Variants in RBM33 observed in about 807,000 individuals in gnomAD.
RBM33 encodes RNA binding motif protein 33.
A neutral mutation model predicts 132.6 loss-of-function variants in RBM33; 28 were observed. The observed-to-expected ratio is 0.21, with a 90% CI of 0.16 to 0.29. The LOEUF (loss-of-function observed/expected upper bound fraction) is 0.29, where lower values mean the gene tolerates loss of function less well. RBM33 is among the 10% of genes least tolerant of loss of function. The probability of loss-of-function intolerance (pLI) is 1.00; values close to 1 mark genes in which losing one functional copy is unlikely to be tolerated. For synonymous variants in RBM33, 634 were observed against 593.0 expected, an observed-to-expected ratio of 1.07 and a Z score of -1.01; for missense variants, 1,291 against 1,518.5, an observed-to-expected ratio of 0.85 and a Z score of 2.49.
intron 3 of RBM33, among the ~76,000 whole-genome samples, chr7:155,673,949 T>TTG (rs1799097297): frequency 9.4e-6 from 1 of 106,522 alleles, no homozygotes; most frequent in East Asian, 2.8e-4. Context: ...AGTTTTTTTT[T>TTG]TTTTTTTTTT....
chr7:155,717,021 G>C (rs1035000689), intron 8 of RBM33, among the ~76,000 whole-genome samples: 10 of 152,138 alleles, frequency 6.6e-5, no homozygotes, highest in African/African-American at 9.7e-5. Flanking sequence ...AATTCCTTGA[G>C]TAATCATAGT....
intron 2 of RBM33, among the ~76,000 whole-genome samples, chr7:155,669,550 G>A (rs1156239347): frequency 2.0e-5 from 3 of 152,028 alleles, no homozygotes; most frequent in African/African-American, 4.8e-5. Context: ...AAGGGGTTTC[G>A]CCGTGTTGGC....
chr7:155,753,208 G>T (rs1217580967), intron 14 of RBM33, among the ~76,000 whole-genome samples: 1 of 152,176 alleles, frequency 6.6e-6, no homozygotes. Context: ...AAGACAAAAA[G>T]CATGAATCAT....
chr7:155,673,345 T>C (rs1385973340), intron 3 of RBM33, among the ~76,000 whole-genome samples: 1 of 151,856 alleles, frequency 6.6e-6, no homozygotes, highest in Non-Finnish European at 1.5e-5. Flanking sequence ...AAACCTAATG[T>C]AGGTTTTTCT....
Position 155,655,505 on chromosome 7 carries a change from A to G in RBM33, c.44-9670A>G, listed in dbSNP as rs980875214. On this transcript the variant is annotated intron_variant, in intron 1 of 17. Transcript: ENST00000401878. ...GTCAGAGTGTCTGTGAAGTCAGACT[A>G]TTTTCATAACGGTATTAAGGCTGTT... Among the ~76,000 whole-genome samples the G allele has an allele frequency of 3.5e-4, 26 of 73,942 alleles. 1 individual carries two copies. The Admixed American group carries it at 3.5e-3, about 10-fold the overall frequency. The allele number at this position is 73,942 out of a possible 152,430, so 48.5% of individuals were successfully genotyped here.
rs968802872 is a variant in RBM33, at chr7:155,778,334, C to T, written c.*3293C>T. On this transcript the variant is annotated 3_prime_UTR_variant, in exon 18 of 18. Transcript: ENST00000401878. The surrounding 1 kb of genome is among the most constrained non-coding windows in gnomAD (Gnocchi z 4.0). ...ATCCTGCACCCAGGGGTCTTTTTTTCAAACAGCATCTTGCTCAGTTCTGTG... is the reference window on the plus strand; with the variant it reads ...ATCCTGCACCCAGGGGTCTTTTTTTTAAACAGCATCTTGCTCAGTTCTGTG... The T allele has an allele frequency of 1.3e-5, 2 of 152,100 alleles. No homozygotes were observed. The highest frequency in any genetic ancestry group is 4.8e-5 in the African/African-American group (2 of 41,416). 9.4% of individuals were successfully genotyped at this position (152,100 alleles called of 1,614,324 possible).
At chr7:155,752,739 A>T (rs1390402810) in intron 14 of RBM33, among the ~76,000 whole-genome samples, 2 of 151,798 alleles carry the variant, frequency 1.3e-5, no homozygotes, top group African/African-American at 4.8e-5. Flanking sequence ...TGCTACTGTC[A>T]CTCCTGCTCC....
chr7:155,670,416 A>G (rs765342387), intron 2 of RBM33, among the ~76,000 whole-genome samples: 1 of 152,222 alleles, frequency 6.6e-6, no homozygotes, highest in Non-Finnish European at 1.5e-5. Context: ...GAGTGGATGT[A>G]GTTTTACATA....
chr7:155,700,546 C>CTTTTTTTTTT, intron 5 of RBM33, among the ~76,000 whole-genome samples: 1 of 85,582 alleles, frequency 1.2e-5, no homozygotes, highest in East Asian at 4.0e-4. Context: ...AGAATTTGAC[C>CTTTTTTTTTT]TTTTTTTTTT....
chr7:155,675,023 T>C (rs1364719014), intron 3 of RBM33, among the ~76,000 whole-genome samples: 4 of 152,188 alleles, frequency 2.6e-5, no homozygotes, highest in Non-Finnish European at 4.4e-5. Context: ...GACCAAAATA[T>C]AGGCTGGGCA....
intron 1 of RBM33, among the ~76,000 whole-genome samples, chr7:155,661,142 A>ATTT (rs1217940558): frequency 1.7e-5 from 1 of 60,456 alleles, no homozygotes. Flanking sequence ...ATATATATAT[A>ATTT]TATATTTTTT....
chr7:155,650,156 G>A (rs6459848), intron 1 of RBM33, among the ~76,000 whole-genome samples: 96,726 of 152,100 alleles, frequency 0.64, 31,826 homozygotes, highest in South Asian at 0.76. Context: ...AAATGCTTTT[G>A]ACAAGCACTG....
intron 1 of RBM33, among the ~76,000 whole-genome samples, chr7:155,653,859 G>A (rs1798422116): frequency 6.6e-6 from 1 of 152,208 alleles, no homozygotes; most frequent in African/African-American, 2.4e-5. Context: ...TTCAGCCAGG[G>A]AGAAGTGTGA....
intron 9 of RBM33, among the ~76,000 whole-genome samples, chr7:155,728,235 G>A (rs1385685488): frequency 6.6e-6 from 1 of 152,100 alleles, no homozygotes; most frequent in Admixed American, 6.5e-5. Flanking sequence ...CTTCCTGATT[G>A]GACTGGATTT....
chr7:155,653,085 T>G (rs1798399691), intron 1 of RBM33, among the ~76,000 whole-genome samples: 2 of 152,200 alleles, frequency 1.3e-5, no homozygotes, highest in Non-Finnish European at 2.9e-5. Context: ...ACTATTTTTT[T>G]TTAAACCATA....
At chr7:155,718,315 C>G (rs367654234) in intron 8 of RBM33, 70 bp from the exon 9 acceptor site, 1 of 1,196,284 alleles carries the variant, frequency 8.4e-7, no homozygotes, top group African/African-American at 1.5e-5. Flanking sequence ...TATTAAACTT[C>G]ATATGTTGTC....
intron 12 of RBM33, 85 bp downstream of exon 12, chr7:155,740,111 A>T (rs1801282052): frequency 7.0e-7 from 1 of 1,424,646 alleles, no homozygotes; most frequent in East Asian, 2.5e-5. Flanking sequence ...TGTAGGTTAG[A>T]ATATTTTCCA....
At chr7:155,717,387 C>T (rs1446653527) in intron 8 of RBM33, among the ~76,000 whole-genome samples, 1 of 152,018 alleles carries the variant, frequency 6.6e-6, no homozygotes, top group Non-Finnish European at 1.5e-5. Context: ...TCTAAATTTC[C>T]CTTTCTTAGA....
At chr7:155,742,336 A>G (rs1339474283) in intron 13 of RBM33, among the ~76,000 whole-genome samples, 2 of 151,070 alleles carry the variant, frequency 1.3e-5, no homozygotes, top group African/African-American at 2.4e-5. Context: ...GTTCTGTTAT[A>G]CAGAATTGAT....
Sources: allele counts gnomAD v4.1 joint callset (sites outside exome capture counted in the v4.1 genomes callset), GRCh38; gene constraint gnomAD v4.1.1; non-coding constraint Gnocchi (gnomAD v3.1); transcripts MANE v1.5; gene names NCBI Gene and HGNC (gene_info 2026-07-23, HGNC 2026-07-21).